Variants in CSTPP1 observed in about 807,000 individuals in gnomAD.
CSTPP1 encodes UPF0705 protein C11orf49.
chr11:46,936,816 C>T, the CSTPP1 span: 1 of 1,609,762 alleles, frequency 6.2e-7, no homozygotes, highest in Non-Finnish European at 8.5e-7. Flanking sequence ...ATGCTGAGTC[C>T]GGAGCGCCTA....
At chr11:47,067,692 T>C in the CSTPP1 span, among the ~76,000 whole-genome samples, 1 of 152,232 alleles carries the variant, frequency 6.6e-6, no homozygotes, top group Non-Finnish European at 1.5e-5. Context: ...TGCTGGCACC[T>C]TGATCTCAGA....
At chr11:47,028,135 T>G in the CSTPP1 span, among the ~76,000 whole-genome samples, 16 of 152,134 alleles carry the variant, frequency 1.1e-4, no homozygotes, top group African/African-American at 1.4e-4. Flanking sequence ...ATGTTAGCCA[T>G]GATGGTCTCG....
At chr11:46,968,848 G>A in the CSTPP1 span, among the ~76,000 whole-genome samples, 2 of 152,048 alleles carry the variant, frequency 1.3e-5, no homozygotes, top group African/African-American at 2.4e-5. Flanking sequence ...GCAGTGAGCC[G>A]AGATCGTGCC....
At chr11:47,107,870 T>C in the CSTPP1 span, among the ~76,000 whole-genome samples, 1 of 152,150 alleles carries the variant, frequency 6.6e-6, no homozygotes, top group Non-Finnish European at 1.5e-5. Context: ...CCCAGTTCCC[T>C]TGGGGCAGCA....
the CSTPP1 span, among the ~76,000 whole-genome samples, chr11:47,080,327 C>T: frequency 1.5e-3 from 233 of 152,088 alleles, no homozygotes; most frequent in Non-Finnish European, 2.1e-3. Context: ...TGGTGGCACG[C>T]GCCTATAGTC....
chr11:47,159,565 G>A, the CSTPP1 span: 1 of 452,784 alleles, frequency 2.2e-6, no homozygotes, highest in South Asian at 1.6e-5. Flanking sequence ...TAAGGGGGAG[G>A]CGGGTGGGAT....
the CSTPP1 span, chr11:47,157,244 G>GC: frequency 2.0e-5 from 31 of 1,533,984 alleles, no homozygotes; most frequent in Non-Finnish European, 2.5e-5. Flanking sequence ...GCAGCCCCCA[G>GC]CCCCCCAGCC....
At chr11:47,038,543 C>T in the CSTPP1 span, among the ~76,000 whole-genome samples, 2 of 101,534 alleles carry the variant, frequency 2.0e-5, no homozygotes, top group African/African-American at 2.9e-5. Context: ...GCAGAGGCGC[C>T]CCTCACCTCC....
the CSTPP1 span, among the ~76,000 whole-genome samples, chr11:46,970,399 T>TA: frequency 6.7e-6 from 1 of 149,730 alleles, no homozygotes; most frequent in African/African-American, 2.5e-5. Flanking sequence ...AACTTTATAA[T>TA]AATAATAAAT....
chr11:47,062,244 C>G, the CSTPP1 span, among the ~76,000 whole-genome samples: 9 of 152,148 alleles, frequency 5.9e-5, no homozygotes, highest in East Asian at 1.5e-3. Flanking sequence ...GTACAGGAAC[C>G]TTGTTTGTTT....
the CSTPP1 span, among the ~76,000 whole-genome samples, chr11:47,156,693 CAATT>C: frequency 1.1e-4 from 17 of 151,734 alleles, no homozygotes; most frequent in African/African-American, 3.6e-4. Flanking sequence ...ACAGATTAGA[CAATT>C]AATGACACAG....
At chr11:47,161,105 T>C in the CSTPP1 span, 12 of 1,614,094 alleles carry the variant, frequency 7.4e-6, no homozygotes, top group South Asian at 1.1e-5. Context: ...GATTAACTAC[T>C]GTGCCCCCAA....
chr11:47,005,493 G>A, the CSTPP1 span, among the ~76,000 whole-genome samples: 3 of 152,176 alleles, frequency 2.0e-5, no homozygotes, highest in African/African-American at 7.2e-5. Flanking sequence ...CCAGTACACT[G>A]AGAATTGAGA....
chr11:47,157,254 C>CCCA, the CSTPP1 span: 2 of 1,526,528 alleles, frequency 1.3e-6, no homozygotes, highest in Non-Finnish European at 1.8e-6. Flanking sequence ...GCCCCCCAGC[C>CCCA]CCAGGGGGTC....
the CSTPP1 span, among the ~76,000 whole-genome samples, chr11:46,995,274 C>T: frequency 6.6e-6 from 1 of 152,148 alleles, no homozygotes; most frequent in Non-Finnish European, 1.5e-5. Flanking sequence ...GTCTCTATCT[C>T]CTTCAGTTCT....
chr11:46,979,623 TA>T, the CSTPP1 span, among the ~76,000 whole-genome samples: 53 of 145,302 alleles, frequency 3.6e-4, no homozygotes, highest in Admixed American at 4.1e-4. Flanking sequence ...AAAATCTCCT[TA>T]AAAAAAAAAA....
chr11:47,045,790 C>CT, the CSTPP1 span, among the ~76,000 whole-genome samples: 2 of 151,562 alleles, frequency 1.3e-5, no homozygotes, highest in South Asian at 2.1e-4. Context: ...TCTTTTTTCT[C>CT]TTTTTTTTCT....
At chr11:47,012,395 A>G in the CSTPP1 span, among the ~76,000 whole-genome samples, 3 of 152,306 alleles carry the variant, frequency 2.0e-5, no homozygotes, top group Admixed American at 1.3e-4. Context: ...TTAAAGAAAG[A>G]GAGGTGGTCT....
chr11:47,079,103 G>A, the CSTPP1 span, among the ~76,000 whole-genome samples: 1 of 152,138 alleles, frequency 6.6e-6, no homozygotes, highest in Non-Finnish European at 1.5e-5. Flanking sequence ...CAGAGAGAAG[G>A]TTTTCTTGTG....
Sources: gnomAD v4.1 joint callset for allele counts (sites outside exome capture counted in the v4.1 genomes callset) on GRCh38, gnomAD v4.1.1 for gene constraint, MANE v1.5 for transcripts, NCBI Gene and HGNC (gene_info 2026-07-23, HGNC 2026-07-21) for gene names.